The following C1orf105 variants were observed in gnomAD, a reference collection of about 807,000 sequenced individuals.
C1orf105 encodes the protein chromosome 1 open reading frame 105, also known as uncharacterized protein C1orf105.
In C1orf105, 17 loss-of-function variants were observed where a neutral mutation model predicts 20.8. The observed-to-expected ratio is 0.82, with a 90% CI of 0.56 to 1.23. C1orf105 has a LOEUF of 1.23. Among genes scored for constraint, C1orf105 ranks in the 50% most tolerant of loss-of-function variants. C1orf105 has a pLI of 0.00. For missense variants in C1orf105, 219 were observed against 213.5 expected, an observed-to-expected ratio of 1.03 and a Z score of -0.16; for synonymous variants, 72 against 72.1, an observed-to-expected ratio of 1.00 and a Z score of 0.01.
At position 172,448,484 on chromosome 1, in the gene C1orf105, A is replaced by G; in HGVS notation, c.151A>G (p.Asn51Asp). 1 of 1,613,754 alleles carries G rather than the reference A, an allele frequency of 6.2e-7. No individual in the cohort carries two copies. The highest frequency in any genetic ancestry group is 1.1e-5 in the South Asian group (1 of 91,044). ...SATFLTSSKKNMNLPILFQVP... is the reference protein window; with the variant it reads ...SATFLTSSKKDMNLPILFQVP... ...GACTTTTCTGACTTCATCCAAGAAG[A>G]ATATGAATTTGCCAATTTTGTTTCA... Residue 51 changes from asparagine (N) to aspartate (D), a missense_variant, in exon 3 of 7, where the codon AAT becomes GAT. By Grantham distance (23) the Asn-to-Asp change is conservative (BLOSUM62 1). Transcript: ENST00000367727.
intron 2 of C1orf105, among the ~76,000 whole-genome samples, chr1:172,445,693 T>G (rs988313892): frequency 7.9e-5 from 12 of 152,166 alleles, no homozygotes; most frequent in African/African-American, 2.9e-4. Flanking sequence ...CTTGAAATAA[T>G]TGGGTTACCG....
chr1:172,444,670 G>A (rs928220994), intron 1 of C1orf105, among the ~76,000 whole-genome samples: 1 of 152,124 alleles, frequency 6.6e-6, no homozygotes, highest in Non-Finnish European at 1.5e-5. Flanking sequence ...TCAAAGCTTG[G>A]TTTTTTTCCT....
intron 3 of C1orf105, 24 bp from the exon 4 acceptor site, chr1:172,456,391 C>T (rs1285670659): frequency 6.2e-7 from 1 of 1,604,274 alleles, no homozygotes; most frequent in South Asian, 1.1e-5. Context: ...TTCCTCACCT[C>T]TCTCTGTCTC....
At chr1:172,459,366 T>TGAAAAGTGAGC (rs1476571220) in intron 4 of C1orf105, among the ~76,000 whole-genome samples, 1 of 152,084 alleles carries the variant, frequency 6.6e-6, no homozygotes, top group African/African-American at 2.4e-5. Flanking sequence ...ACACTCTAGT[T>TGAAAAGTGAGC]GAAAAGTGAG....
intron 1 of C1orf105, among the ~76,000 whole-genome samples, chr1:172,437,197 G>A (rs374182935): frequency 3.3e-5 from 5 of 152,088 alleles, no homozygotes; most frequent in African/African-American, 9.7e-5. Flanking sequence ...AGGATTTAGA[G>A]CTAGAAATAC....
At chr1:172,453,336 C>T in intron 3 of C1orf105, 2 of 1,047,218 alleles carry the variant, frequency 1.9e-6, no homozygotes, top group Non-Finnish European at 2.7e-6. Flanking sequence ...ATATGATTGA[C>T]AAAAGTCACC....
rs375726386 is a variant in C1orf105, at chr1:172,441,735, G to A, written c.22-3338G>A. 1.2e-5 allele frequency: 19 copies of A among 1,540,836 alleles called. No individual in the cohort carries two copies. In the African/African-American group the frequency reaches 2.3e-4, roughly 19 times the overall value. Reference sequence around the variant, plus strand: ...ATGTAATGGATGTCCTAATTTAACTGAGGAACCTGGACAAGTCTTCCTTGA... The same window carrying A: ...ATGTAATGGATGTCCTAATTTAACTAAGGAACCTGGACAAGTCTTCCTTGA... On this transcript the variant is annotated intron_variant, in intron 1 of 6. Transcript: ENST00000367727.
In C1orf105 at chr1:172,468,503, G is replaced by A; in HGVS notation, c.461G>A (p.Gly154Glu). 1 of 1,613,938 alleles carries A rather than the reference G, an allele frequency of 6.2e-7. No homozygotes were observed. Among genetic ancestry groups the A allele is most frequent in the Non-Finnish European group, 8.5e-7 (1 of 1,179,892 alleles). ...ILGPRTAVFH[G>E]LLTEAYKTLK... ...GGCCCCAGGACAGCTGTCTTCCACGGATTACTGACAGAGGCCTACAAAACT... is the reference window on the plus strand; with the variant it reads ...GGCCCCAGGACAGCTGTCTTCCACGAATTACTGACAGAGGCCTACAAAACT... Residue 154 changes from glycine (G) to glutamate (E), a missense_variant, in exon 7 of 7, where the codon GGA becomes GAA. Coordinates refer to ENST00000367727, the MANE Select transcript of C1orf105 (RefSeq NM_139240.4).
intron 1 of C1orf105, chr1:172,443,272 G>C (rs1331212578): frequency 6.0e-6 from 1 of 167,202 alleles, no homozygotes; most frequent in East Asian, 1.9e-4. Context: ...TATCCCTTAG[G>C]TATATCACAT....
chr1:172,439,940 T>G (rs1169340171), intron 1 of C1orf105, among the ~76,000 whole-genome samples: 1 of 152,206 alleles, frequency 6.6e-6, no homozygotes, highest in East Asian at 1.9e-4. Flanking sequence ...GGTTAGTCCC[T>G]GAAACCCTTT....
At position 172,442,342 on chromosome 1, in the gene C1orf105, A is replaced by G. The variant is rs959852989; in HGVS notation, c.22-2731A>G. The G allele has an allele frequency of 5.0e-6, 8 of 1,613,100 alleles. No individual in the cohort carries two copies. In the African/African-American group the frequency reaches 1.1e-4, roughly 22 times the overall value. On this transcript the variant is annotated intron_variant, in intron 1 of 6. Transcript: ENST00000367727. ...GAGATCAAACAAAACATACCCAATC[A>G]GTGAAGAAGCCAGACCAGTCCCTAA...
chr1:172,463,658 CT>C (rs1343402285), intron 5 of C1orf105, among the ~76,000 whole-genome samples: 1 of 152,212 alleles, frequency 6.6e-6, no homozygotes, highest in Non-Finnish European at 1.5e-5. Context: ...AAATTTCACC[CT>C]TCTGTGAAAT....
chr1:172,451,501 C>T (rs1443605660), intron 3 of C1orf105, among the ~76,000 whole-genome samples: 1 of 152,158 alleles, frequency 6.6e-6, no homozygotes, highest in Non-Finnish European at 1.5e-5. Context: ...TTTCAAAGCT[C>T]ATAACTACCA....
intron 3 of C1orf105, among the ~76,000 whole-genome samples, chr1:172,451,520 A>G (rs1484940226): frequency 6.6e-6 from 1 of 152,192 alleles, no homozygotes; most frequent in Non-Finnish European, 1.5e-5. Flanking sequence ...CAAGGAAACT[A>G]CCTCATATAC....
chr1:172,435,398 C>A (rs377228396), intron 1 of C1orf105, among the ~76,000 whole-genome samples: 1 of 152,106 alleles, frequency 6.6e-6, no homozygotes, highest in African/African-American at 2.4e-5. Context: ...TTATCCACCA[C>A]GATCAAGTTG....
At chr1:172,444,749 A>G (rs1647778390) in intron 1 of C1orf105, among the ~76,000 whole-genome samples, 1 of 152,246 alleles carries the variant, frequency 6.6e-6, no homozygotes. Context: ...ATTAAAGGAT[A>G]TATAAACAGA....
chr1:172,437,738 A>ATAATAG (rs2149165648), intron 1 of C1orf105, among the ~76,000 whole-genome samples: 1 of 149,358 alleles, frequency 6.7e-6, no homozygotes, highest in East Asian at 2.0e-4. Flanking sequence ...TATAATAATA[A>ATAATAG]TAATAATAAT....
Position 172,456,502 on chromosome 1 carries a change from G to A in C1orf105, c.273+13G>A, listed in dbSNP as rs771234170. ...AGAAATGAAAATGGTAGGCAAGGGG[G>A]AAGACAGAAATGGGCACAGGCATCT... On this transcript the variant is annotated intron_variant, in intron 4 of 6. Transcript: ENST00000367727. The A allele has an allele frequency of 9.9e-6, 16 of 1,611,410 alleles. No individual in the cohort carries two copies. The highest frequency in any genetic ancestry group is 5.1e-6 in the Non-Finnish European group (6 of 1,179,140).
chr1:172,444,436 T>C (rs1012919419), intron 1 of C1orf105, among the ~76,000 whole-genome samples: 2 of 152,222 alleles, frequency 1.3e-5, no homozygotes, highest in African/African-American at 2.4e-5. Flanking sequence ...AATGCCTGCA[T>C]GTAACAAGCC....
Sources: gnomAD v4.1 joint callset for allele counts (sites outside exome capture counted in the v4.1 genomes callset) on GRCh38, gnomAD v4.1.1 for gene constraint, MANE v1.5 for transcripts, NCBI Gene and HGNC (gene_info 2026-07-23, HGNC 2026-07-21) for gene names.